PPP1R21: variants seen among roughly 807,000 people sequenced by gnomAD.
The protein encoded by PPP1R21 is protein phosphatase 1 regulatory subunit 21.
A neutral mutation model predicts 112.8 loss-of-function variants in PPP1R21; 85 were observed. That is an observed-to-expected ratio of 0.75 (90% CI 0.63 to 0.90). The LOEUF (loss-of-function observed/expected upper bound fraction) is 0.90. Ranked by LOEUF, PPP1R21 falls within the 40% of genes least tolerant of loss-of-function variation. The pLI is 0.00. For synonymous variants in PPP1R21, 381 were observed against 322.3 expected (o/e 1.18, Z -1.95); for missense variants, 1,199 against 901.5 (o/e 1.33, Z -4.23).
rs1232548517 is a variant in PPP1R21 at position 48,505,579 on chromosome 2, A to G, written c.1951A>G (p.Arg651Gly). Residue 651 changes from arginine to glycine, a missense_variant, in exon 18 of 22, where the codon AGG (arginine) becomes GGG (glycine). Transcript: ENST00000294952. ...TATGTTCTAGATTGGGACTTTAACC[A>G]GGACATCTGACAGTGAGGTAACATG... ...QSTSLIGTLT[R>G]TSDSEVPDVE... 1 of 1,550,700 alleles carries G rather than the reference A, an allele frequency of 6.4e-7. No homozygotes were observed. The highest frequency in any genetic ancestry group is 1.2e-5 in the South Asian group (1 of 84,034).
At chr2:48,457,394 AGAC>A (rs1299822056) in intron 3 of PPP1R21, among the ~76,000 whole-genome samples, 2 of 152,200 alleles carry the variant, frequency 1.3e-5, no homozygotes, top group Non-Finnish European at 2.9e-5. Context: ...GTGAGAAGTG[AGAC>A]TACAAAAAAA....
chr2:48,511,357 C>T lies in PPP1R21; in HGVS notation c.2202C>T (p.Thr734=). Residue 734 remains threonine (T), a synonymous_variant, in exon 21 of 22, where the codon ACC becomes ACT. Coordinates refer to ENST00000294952, the MANE Select transcript of PPP1R21 (RefSeq NM_001135629.3). ...CTATTTAGGATGAGCTGACAACTAC[C>T]AAGAGGAGTTACGAGGATCAGTTAA... is the stretch of plus-strand genomic sequence containing the variant. ...ISRLQDELTT[T]KRSYEDQLSM... The T allele has an allele frequency of 6.2e-7, 1 of 1,613,502 alleles. No homozygotes were observed. The highest frequency in any genetic ancestry group is 8.5e-7 in the Non-Finnish European group (1 of 1,179,868).
At chr2:48,504,471 C>G (rs1486732543) in intron 17 of PPP1R21, among the ~76,000 whole-genome samples, 2 of 152,182 alleles carry the variant, frequency 1.3e-5, no homozygotes, top group African/African-American at 2.4e-5. Flanking sequence ...TGAAACCTGC[C>G]TCTACTAAAG....
intron 7 of PPP1R21, among the ~76,000 whole-genome samples, chr2:48,464,661 A>T (rs546770931): frequency 6.6e-6 from 1 of 152,338 alleles, no homozygotes; most frequent in East Asian, 1.9e-4. Flanking sequence ...AGTAGTCCTG[A>T]TAAGCCTGAA....
chr2:48,507,502 G>A, intron 19 of PPP1R21, 117 bp downstream of exon 19: 7 of 1,470,644 alleles, frequency 4.8e-6, no homozygotes, highest in Non-Finnish European at 6.3e-6. Context: ...CAAGTAGCTG[G>A]GACTATGGGT....
chr2:48,507,877 C>T (rs971999485), intron 19 of PPP1R21, among the ~76,000 whole-genome samples: 3 of 149,110 alleles, frequency 2.0e-5, no homozygotes, highest in South Asian at 2.1e-4. Context: ...GCGATTCTCC[C>T]GCCCCAGCCT....
chr2:48,501,840 A>T (rs979149028), intron 17 of PPP1R21: 1 of 151,762 alleles, frequency 6.6e-6, no homozygotes, highest in Non-Finnish European at 1.5e-5. Flanking sequence ...CATCAGATAA[A>T]CTCATTTGCT....
chr2:48,463,436 C>T (rs147511429), intron 7 of PPP1R21, among the ~76,000 whole-genome samples: 110 of 152,080 alleles, frequency 7.2e-4, no homozygotes, highest in Admixed American at 5.8e-3. Context: ...TTGCGAGGAG[C>T]GCTTCTGTGC....
chr2:48,474,583 T>C, intron 11 of PPP1R21, 100 bp from the exon 12 acceptor site: 1 of 1,068,294 alleles, frequency 9.4e-7, no homozygotes. Context: ...TTCTGCAATA[T>C]CTCTCTTTGG....
chr2:48,502,059 C>G (rs1254594307), intron 17 of PPP1R21: 1 of 152,048 alleles, frequency 6.6e-6, no homozygotes, highest in Admixed American at 6.6e-5. Flanking sequence ...ATGTCAGTTG[C>G]TGAAAGTTTT....
chr2:48,458,037 A>G (rs779209673), intron 3 of PPP1R21, 89 bp from the exon 4 acceptor site: 5 of 847,806 alleles, frequency 5.9e-6, no homozygotes, highest in Admixed American at 5.3e-5. Flanking sequence ...AGAAGAGACA[A>G]GCTTCTAAGA....
chr2:48,464,973 A>C lies in PPP1R21; in HGVS notation c.731A>C (p.His244Pro). 1 of 1,557,876 alleles carries C rather than the reference A, an allele frequency of 6.4e-7. No homozygotes were observed. Among genetic ancestry groups the C allele is most frequent in the Non-Finnish European group, 8.6e-7 (1 of 1,162,462 alleles). The change falls in exon 8 of 22, where the codon CAC becomes CCC. Residue 244 changes from histidine (H) to proline (P), a missense_variant. Transcript: ENST00000294952. ...SQYNALNVPL[H>P]NRRHQLKMRD... is the part of the protein sequence containing the mutation. ...TACAACGCTCTGAACGTTCCACTCC[A>C]CAATAGGAGACACCAGGTAAAGGAT...
At chr2:48,455,648 G>C (rs1667687704) in intron 3 of PPP1R21, among the ~76,000 whole-genome samples, 1 of 152,108 alleles carries the variant, frequency 6.6e-6, no homozygotes, top group African/African-American at 2.4e-5. Context: ...GACATCTTTT[G>C]GTTATACCAG....
intron 7 of PPP1R21, among the ~76,000 whole-genome samples, chr2:48,464,176 G>C (rs1668102198): frequency 6.6e-6 from 1 of 152,198 alleles, no homozygotes; most frequent in East Asian, 1.9e-4. Context: ...AGGTGTTGGT[G>C]GATGGGAGAT....
chr2:48,474,556 T>G, intron 11 of PPP1R21, 127 bp from the exon 12 acceptor site: 32 of 794,788 alleles, frequency 4.0e-5, no homozygotes, highest in Non-Finnish European at 5.9e-5. Context: ...GCCATGCAAA[T>G]GAGATCAAAT....
chr2:48,460,551 A>C, intron 6 of PPP1R21, among the ~76,000 whole-genome samples: 1 of 152,352 alleles, frequency 6.6e-6, no homozygotes, highest in East Asian at 1.9e-4. Context: ...GAGATACATA[A>C]ATTTTAAAAT....
At chr2:48,514,029 C>A (rs1272881714) in intron 21 of PPP1R21, among the ~76,000 whole-genome samples, 9 of 149,812 alleles carry the variant, frequency 6.0e-5, no homozygotes, top group South Asian at 4.2e-4. Flanking sequence ...CTATTAAGAC[C>A]TTTAAAAGAA....
rs1377672114 is a variant in PPP1R21, at chr2:48,465,500, T to C, written c.755T>C (p.Met252Thr). The change falls in exon 9 of 22, where the codon ATG becomes ACG. Residue 252 changes from methionine (M) to threonine (T), a missense_variant. Met to Thr is a moderately conservative substitution (Grantham distance 81). Transcript: ENST00000294952. Reference sequence around the variant, plus strand: ...ATATTTTTCATTTTAAAGCTGAAGATGCGAGATATTGCTGGGCAGGCCCTG... The same window carrying C: ...ATATTTTTCATTTTAAAGCTGAAGACGCGAGATATTGCTGGGCAGGCCCTG... ...PLHNRRHQLK[M>T]RDIAGQALAF... 2 of 1,607,626 alleles carry C rather than the reference T, an allele frequency of 1.2e-6. No individual in the cohort carries two copies. The highest frequency in any genetic ancestry group is 1.7e-6 in the Non-Finnish European group (2 of 1,178,508).
rs140007252 is a variant in PPP1R21 at position 48,467,466 on chromosome 2, A to G, written c.897+1824A>G. 1.1e-4 allele frequency among the ~76,000 whole-genome samples: 16 copies of G among 152,352 alleles called. 1 individual carries two copies. In the South Asian group the frequency reaches 3.1e-3, roughly 30 times the overall value. Reference sequence around the variant, plus strand: ...GCTGCGGGTCAAGAATGGAGGGGCTAGTTAGCTGGCTCATGATCTCTCATA... The same window carrying G: ...GCTGCGGGTCAAGAATGGAGGGGCTGGTTAGCTGGCTCATGATCTCTCATA... On this transcript the variant is annotated intron_variant, in intron 9 of 21. Transcript: ENST00000294952.
Sources: allele counts gnomAD v4.1 joint callset (sites outside exome capture counted in the v4.1 genomes callset), GRCh38; gene constraint gnomAD v4.1.1; transcripts MANE v1.5; gene names NCBI Gene and HGNC (gene_info 2026-07-23, HGNC 2026-07-21).